The following EIF4G3 variants were observed in gnomAD, a reference collection of about 807,000 sequenced individuals.
The protein encoded by EIF4G3 is eIF-4-gamma 3.
EIF4G3 carries 34 observed loss-of-function variants against 186.4 expected under a neutral mutation model. That is an observed-to-expected ratio of 0.18 (90% CI 0.14 to 0.24). The LOEUF (loss-of-function observed/expected upper bound fraction) is 0.24, where lower values mean the gene tolerates loss of function less well. EIF4G3 is among the 10% of genes least tolerant of loss of function. The pLI is 1.00. For synonymous variants in EIF4G3, 673 were observed against 679.5 expected, an observed-to-expected ratio of 0.99 and a Z score of 0.15; for missense variants, 1,536 against 1,948.5, an observed-to-expected ratio of 0.79 and a Z score of 3.99.
intron 2 of EIF4G3, among the ~76,000 whole-genome samples, chr1:21,124,495 T>A (rs1269808625): frequency 3.3e-5 from 5 of 152,176 alleles, no homozygotes; most frequent in African/African-American, 1.2e-4. Flanking sequence ...TTTGCTTCTA[T>A]AAGAGGATAA....
chr1:20,854,865 T>C, intron 26 of EIF4G3, 113 bp downstream of exon 26: 1 of 720,736 alleles, frequency 1.4e-6, no homozygotes, highest in Non-Finnish European at 2.3e-6. Context: ...ATTTTAGGCA[T>C]GATTAGTCTA....
At chr1:20,885,330 A>G (rs1228667558) in intron 19 of EIF4G3, among the ~76,000 whole-genome samples, 2 of 152,218 alleles carry the variant, frequency 1.3e-5, no homozygotes, top group Admixed American at 6.5e-5. Context: ...TATTTATTTC[A>G]TTTAATCTTA....
At chr1:20,817,309 G>T in intron 34 of EIF4G3, 83 bp downstream of exon 34, 1 of 761,874 alleles carries the variant, frequency 1.3e-6, no homozygotes, top group Non-Finnish European at 1.9e-6. Context: ...TTCATGAAGT[G>T]AACTGATAGG....
At chr1:20,953,393 T>G (rs948994287) in intron 12 of EIF4G3, among the ~76,000 whole-genome samples, 2 of 152,236 alleles carry the variant, frequency 1.3e-5, no homozygotes, top group African/African-American at 4.8e-5. Context: ...AGATTCCTGA[T>G]AGTGTTTGAG....
chr1:21,139,842 A>G (rs546347367), intron 2 of EIF4G3, among the ~76,000 whole-genome samples: 2 of 152,352 alleles, frequency 1.3e-5, no homozygotes, highest in East Asian at 3.9e-4. Context: ...CTAGGACTAC[A>G]GGCCCACACT....
rs201566242 is a variant in EIF4G3, at chr1:20,893,586, A to G, written c.2184T>C (p.Pro728=). 8 of 1,593,248 alleles carry G rather than the reference A, an allele frequency of 5.0e-6. No individual in the cohort carries two copies. The East Asian group carries it at 1.6e-4, about 31-fold the overall frequency. ...AGGCTGGTGTAAAGTCTGGTCCTCGAGGCAAAATTCGAGGATCCAGAGTTC... is the reference window on the plus strand; with the variant it reads ...AGGCTGGTGTAAAGTCTGGTCCTCGGGGCAAAATTCGAGGATCCAGAGTTC... The part of the protein sequence containing the change: ...PMRTLDPRIL[P]RGPDFTPAFA... Residue 728 remains proline, a synonymous_variant, in exon 18 of 37, where the codon CCT becomes CCC. Transcript: ENST00000602326.
chr1:20,829,367 A>C (rs2064494108), intron 30 of EIF4G3, 95 bp from the exon 31 acceptor site: 2 of 1,368,466 alleles, frequency 1.5e-6, no homozygotes, highest in African/African-American at 2.9e-5. Context: ...AATACATATT[A>C]ATCACCTGCT....
chr1:21,037,583 A>C (rs2093309296), intron 4 of EIF4G3, among the ~76,000 whole-genome samples: 1 of 152,200 alleles, frequency 6.6e-6, no homozygotes, highest in Non-Finnish European at 1.5e-5. Flanking sequence ...AATACCGTAA[A>C]AACCTTCTGA....
chr1:21,168,600 AT>A (rs1288056714), intron 2 of EIF4G3, among the ~76,000 whole-genome samples: 1 of 151,526 alleles, frequency 6.6e-6, no homozygotes, highest in African/African-American at 2.4e-5. Context: ...CTATTTTTTA[AT>A]TTTTATTAGA....
chr1:20,829,122 A>T (rs775879443), intron 31 of EIF4G3, 25 bp downstream of exon 31: 2 of 1,612,062 alleles, frequency 1.2e-6, no homozygotes, highest in East Asian at 4.5e-5. Context: ...CCTGATATAT[A>T]TCAAGAGAAA....
intron 2 of EIF4G3, chr1:21,174,833 G>C (rs575276249): frequency 3.3e-5 from 5 of 152,300 alleles, no homozygotes; most frequent in Admixed American, 2.0e-4. Flanking sequence ...CACTGGAATG[G>C]AATTTATCTT....
intron 2 of EIF4G3, among the ~76,000 whole-genome samples, chr1:21,133,679 T>A (rs1449476212): frequency 1.3e-5 from 2 of 152,220 alleles, no homozygotes; most frequent in African/African-American, 2.4e-5. Context: ...AGCTGACATA[T>A]TCCACTCATT....
chr1:20,817,318 G>A (rs894723958), intron 34 of EIF4G3, 74 bp downstream of exon 34: 4 of 934,678 alleles, frequency 4.3e-6, no homozygotes, highest in Non-Finnish European at 4.4e-6. Flanking sequence ...TGAACTGATA[G>A]GTAAGCGAAT....
chr1:20,831,656 G>C (rs1316755469), intron 30 of EIF4G3, among the ~76,000 whole-genome samples: 2 of 139,502 alleles, frequency 1.4e-5, no homozygotes, highest in African/African-American at 5.4e-5. Flanking sequence ...TGTGCACATT[G>C]TGCAGGTTAG....
intron 13 of EIF4G3, among the ~76,000 whole-genome samples, chr1:20,948,197 G>A (rs192010877): frequency 6.6e-6 from 1 of 152,340 alleles, no homozygotes; most frequent in East Asian, 1.9e-4. Flanking sequence ...GAAATACTCT[G>A]AGAATTATTC....
intron 27 of EIF4G3, among the ~76,000 whole-genome samples, chr1:20,852,293 T>C (rs1372763047): frequency 6.6e-6 from 1 of 152,152 alleles, no homozygotes; most frequent in Non-Finnish European, 1.5e-5. Flanking sequence ...TGAGCCACTG[T>C]GCCCGGCCTT....
intron 2 of EIF4G3, among the ~76,000 whole-genome samples, chr1:21,101,573 A>AAAAAAAAAAAAAAAC (rs1300347804): frequency 2.9e-4 from 41 of 140,202 alleles, no homozygotes; most frequent in Non-Finnish European, 4.8e-4. Flanking sequence ...AAAAAAAAAA[A>AAAAAAAAAAAAAAAC]AACAACAAAA....
chr1:21,076,595 C>T (rs2095596082), intron 3 of EIF4G3, among the ~76,000 whole-genome samples: 1 of 152,094 alleles, frequency 6.6e-6, no homozygotes, highest in Non-Finnish European at 1.5e-5. Context: ...GGACTAAAAA[C>T]ATAGACCAAT....
chr1:20,947,596 AAG>A (rs1416867878), intron 13 of EIF4G3, among the ~76,000 whole-genome samples: 1 of 151,872 alleles, frequency 6.6e-6, no homozygotes, highest in Non-Finnish European at 1.5e-5. Flanking sequence ...GAAAGAAAGA[AAG>A]AGAAAGGGAG....
Sources: allele counts gnomAD v4.1 joint callset (sites outside exome capture counted in the v4.1 genomes callset), GRCh38; gene constraint gnomAD v4.1.1; transcripts MANE v1.5; gene names NCBI Gene and HGNC (gene_info 2026-07-23, HGNC 2026-07-21).